The following EDNRB variants were observed in gnomAD, a reference collection of about 807,000 sequenced individuals.
EDNRB encodes the protein Hirschsprung disease 2.
A neutral mutation model predicts 46.4 loss-of-function variants in EDNRB; 18 were observed. That is an observed-to-expected ratio of 0.39 (90% confidence interval 0.27 to 0.57). EDNRB has a LOEUF of 0.57. EDNRB is among the 20% of genes least tolerant of loss of function. EDNRB has a pLI of 0.61. For missense variants in EDNRB, 434 were observed against 537.5 expected, an observed-to-expected ratio of 0.81 and a Z score of 1.90; for synonymous variants, 213 against 204.9, an observed-to-expected ratio of 1.04 and a Z score of -0.34.
chr13:77,963,379 G>C (rs1419608927), intron 1 of EDNRB, among the ~76,000 whole-genome samples: 1 of 152,142 alleles, frequency 6.6e-6, no homozygotes, highest in Admixed American at 6.5e-5. Context: ...ATACTACAAG[G>C]CTACAGTAAC....
chr13:77,946,713 T>A (rs1307522078), intron 1 of EDNRB, among the ~76,000 whole-genome samples: 1 of 151,330 alleles, frequency 6.6e-6, no homozygotes, highest in Non-Finnish European at 1.5e-5. Flanking sequence ...CAAGTGAGCA[T>A]GTAACAGTGT....
chr13:77,942,884 A>G (rs1880794558), intron 1 of EDNRB, among the ~76,000 whole-genome samples: 1 of 152,138 alleles, frequency 6.6e-6, no homozygotes, highest in Non-Finnish European at 1.5e-5. Flanking sequence ...TTCTTAAAGT[A>G]CTTCCCTCTA....
In EDNRB at chr13:77,901,010, A is replaced by G. The variant is rs776925865; in HGVS notation, c.951+48T>C. The stretch of plus-strand genomic sequence containing the variant: ...CATCATCATCATAATTTTCATATTC[A>G]TAATTATAAATTCAACCACGAGTTA... On this transcript the variant is annotated intron_variant, in intron 4 of 6. Transcript: ENST00000646607. The G allele has an allele frequency of 2.5e-5, 40 of 1,596,776 alleles. No individual in the cohort carries two copies. The South Asian group carries it at 4.4e-4, about 18-fold the overall frequency.
At chr13:77,938,903 T>C in intron 1 of EDNRB, among the ~76,000 whole-genome samples, 1 of 152,182 alleles carries the variant, frequency 6.6e-6, no homozygotes, top group East Asian at 1.9e-4. Context: ...TGGATCTTTT[T>C]CACAGAGCAA....
At position 77,896,386 on chromosome 13, in the gene EDNRB, A is replaced by T; in HGVS notation, c.*1814T>A. 1 of 1,508,836 alleles carries T rather than the reference A, an allele frequency of 6.6e-7. No individual in the cohort carries two copies. The highest frequency in any genetic ancestry group is 1.3e-5 in the South Asian group (1 of 74,338). The allele number at this position is 1,508,836 out of a possible 1,614,324, so 93.5% of individuals were successfully genotyped here. A position where few individuals can be genotyped will look rare whatever the true frequency, so the allele number is the denominator to read the frequency against. ...GGCCTCTGAAAAAGTGATTGGGATG[A>T]AATTAAAGAACAAGTTTGTGGGTGA... On this transcript the variant is annotated 3_prime_UTR_variant, in exon 7 of 7. Coordinates refer to ENST00000646607, the MANE Select transcript of EDNRB (RefSeq NM_001122659.3).
intron 1 of EDNRB, among the ~76,000 whole-genome samples, chr13:77,970,320 G>A (rs912860743): frequency 4.5e-4 from 68 of 152,230 alleles, no homozygotes; most frequent in South Asian, 2.1e-4. Flanking sequence ...GCTATAGAAC[G>A]TGTAGCAGGA....
chr13:77,970,866 G>T (rs1881708840), intron 1 of EDNRB, among the ~76,000 whole-genome samples: 2 of 152,036 alleles, frequency 1.3e-5, no homozygotes, highest in African/African-American at 4.8e-5. Flanking sequence ...GTATACACTG[G>T]GAACAGCCCT....
intron 1 of EDNRB, among the ~76,000 whole-genome samples, chr13:77,927,064 G>T (rs1880259035): frequency 6.6e-6 from 1 of 152,154 alleles, no homozygotes; most frequent in Admixed American, 6.5e-5. Flanking sequence ...AGAATTGTGG[G>T]AGTACAATTC....
At chr13:77,956,013 C>T (rs1274439116) in intron 1 of EDNRB, among the ~76,000 whole-genome samples, 1 of 151,978 alleles carries the variant, frequency 6.6e-6, no homozygotes, top group South Asian at 2.1e-4. Flanking sequence ...TATTTGGGGT[C>T]TTTTGTGGCT....
chr13:77,945,185 AT>A (rs1205342031), intron 1 of EDNRB, among the ~76,000 whole-genome samples: 8 of 152,168 alleles, frequency 5.3e-5, no homozygotes, highest in Admixed American at 3.3e-4. Context: ...TGTACATTTT[AT>A]GTTTTGGTAC....
chr13:77,956,230 T>C (rs543358455), intron 1 of EDNRB, among the ~76,000 whole-genome samples: 68 of 152,318 alleles, frequency 4.5e-4, no homozygotes, highest in African/African-American at 1.5e-3. Flanking sequence ...TCAGTGAATA[T>C]GTTCACCCTC....
intron 1 of EDNRB, among the ~76,000 whole-genome samples, chr13:77,916,333 G>C (rs1801801560): frequency 6.6e-6 from 1 of 152,196 alleles, no homozygotes; most frequent in Admixed American, 6.5e-5. Context: ...TGCCAAATTA[G>C]AATGGGAAGA....
Position 77,925,017 on chromosome 13 carries a change from C to A in EDNRB, c.-51-6393G>T, listed in dbSNP as rs571765175. 3.9e-5 allele frequency among the ~76,000 whole-genome samples: 6 copies of A among 152,314 alleles called. No homozygotes were observed. In the South Asian group the frequency reaches 1.0e-3, roughly 26 times the overall value. On this transcript the variant is annotated intron_variant, in intron 1 of 7. Coordinates refer to the EDNRB transcript ENST00000646948. ...ATCCCAGATATATGTTTATCAGCAGCCTGAAAACGGACTAACACAAAGAAC... is the reference window on the plus strand; with the variant it reads ...ATCCCAGATATATGTTTATCAGCAGACTGAAAACGGACTAACACAAAGAAC...
Position 77,931,755 on chromosome 13 carries a change from A to C in EDNRB, c.-51-13131T>G, listed in dbSNP as rs566099422. On this transcript the variant is annotated intron_variant, in intron 1 of 7. Coordinates refer to the EDNRB transcript ENST00000646948. ...AAATACTGTAGTAGCAAAAAAAAAA[A>C]AAAAACAAAAAAAAAAAAACAAAAA... Among the ~76,000 whole-genome samples, 211 of 138,364 alleles carry C rather than the reference A, an allele frequency of 1.5e-3. 2 individuals are homozygous for C. The highest frequency in any genetic ancestry group is 5.2e-3 in the African/African-American group (191 of 36,808). The allele number at this position is 138,364 out of a possible 152,430, so 90.8% of individuals were successfully genotyped here.
Position 77,963,109 on chromosome 13 carries a change from C to T in EDNRB, c.-52+12238G>A, listed in dbSNP as rs376273825. On this transcript the variant is annotated intron_variant, in intron 1 of 7. Transcript: ENST00000646948. ...AGGAGAACTACAAACCACTGCTCAA[C>T]GAAATAAAAGAGGACACAAACAAAT... Among the ~76,000 whole-genome samples the T allele has an allele frequency of 1.1e-4, 16 of 152,038 alleles. No individual in the cohort carries two copies. In the South Asian group the frequency reaches 1.2e-3, roughly 12 times the overall value.
chr13:77,898,474 TAAAAG>T, intron 6 of EDNRB, 140 bp from the exon 7 acceptor site: 1 of 1,229,864 alleles, frequency 8.1e-7, no homozygotes, highest in South Asian at 1.5e-5. Context: ...TTTTCCCTCT[TAAAAG>T]AATATAATCA....
chr13:77,970,398 C>T (rs563683355), intron 1 of EDNRB, among the ~76,000 whole-genome samples: 13 of 152,192 alleles, frequency 8.5e-5, no homozygotes, highest in Non-Finnish European at 1.5e-4. Context: ...CTGGGAGAAT[C>T]GGCAAGACTC....
chr13:77,903,327 T>C lies in EDNRB; in HGVS notation c.630A>G (p.Lys210=), dbSNP rs777593504. The change falls in exon 3 of 7, where the codon AAA becomes AAG. Residue 210 remains lysine, a synonymous_variant. Coordinates refer to ENST00000646607, the MANE Select transcript of EDNRB (RefSeq NM_001122659.3). ...YRAVASWSRI[K]GIGVPKWTAV... ...CTGTCCATTTTGGAACCCCAATTCCTTTAATTCTACTCCAAGAAGCAACAG... is the reference window on the plus strand; with the variant it reads ...CTGTCCATTTTGGAACCCCAATTCCCTTAATTCTACTCCAAGAAGCAACAG... 7 of 1,613,082 alleles carry C rather than the reference T, an allele frequency of 4.3e-6. No individual in the cohort carries two copies. The South Asian group carries it at 6.6e-5, about 15-fold the overall frequency.
chr13:77,930,677 C>T (rs2137653545), intron 1 of EDNRB, among the ~76,000 whole-genome samples: 1 of 152,280 alleles, frequency 6.6e-6, no homozygotes, highest in East Asian at 1.9e-4. Context: ...GAGTTTGTAA[C>T]TTATTAACTT....
Sources: gnomAD v4.1 joint callset for allele counts (sites outside exome capture counted in the v4.1 genomes callset) on GRCh38, gnomAD v4.1.1 for gene constraint, MANE v1.5 for transcripts, NCBI Gene and HGNC (gene_info 2026-07-23, HGNC 2026-07-21) for gene names.